Variants in CAMKMT observed in about 807,000 individuals in gnomAD.
CAMKMT encodes the protein calmodulin-lysine N-methyltransferase, also known as CaM KMT.
A neutral mutation model predicts 48.0 loss-of-function variants in CAMKMT; 53 were observed. The ratio of observed to expected loss-of-function variants is 1.10; its 90% CI spans 0.89 to 1.39. The LOEUF is 1.39. Among genes scored for constraint, CAMKMT ranks in the 40% most tolerant of loss-of-function variants. The pLI is 0.00. For missense variants in CAMKMT, 428 were observed against 402.7 expected (o/e 1.06, Z -0.54); for synonymous variants, 165 against 152.3 (o/e 1.08, Z -0.61).
At chr2:44,571,554 C>G (rs897805353) in intron 3 of CAMKMT, among the ~76,000 whole-genome samples, 1 of 152,130 alleles carries the variant, frequency 6.6e-6, no homozygotes, top group Non-Finnish European at 1.5e-5. Context: ...ATTTCTCAGA[C>G]TTAATAACAA....
chr2:44,585,751 G>T lies in CAMKMT; in HGVS notation c.377-118532G>T, dbSNP rs143514238. ...GTGATCCTACGCTTTACCAAAGATA[G>T]ATGGAAGATGGGAACAGCTAGGCCA... On this transcript the variant is annotated intron_variant, in intron 3 of 10. Transcript: ENST00000378494. 5.7e-3 allele frequency among the ~76,000 whole-genome samples: 873 copies of T among 152,336 alleles called. 4 individuals carry two copies. Among genetic ancestry groups the T allele is most frequent in the Non-Finnish European group, 0.01 (692 of 68,036 alleles).
At chr2:44,378,004 A>G (rs1679867660) in intron 2 of CAMKMT, among the ~76,000 whole-genome samples, 1 of 152,242 alleles carries the variant, frequency 6.6e-6, no homozygotes, top group African/African-American at 2.4e-5. Context: ...GTACGTATAT[A>G]GAGCTTGGCG....
chr2:44,527,423 T>C (rs1439818495), intron 3 of CAMKMT, among the ~76,000 whole-genome samples: 2 of 66,080 alleles, frequency 3.0e-5, no homozygotes, highest in Non-Finnish European at 5.7e-5. Context: ...ATTATATATA[T>C]ATATATATTT....
chr2:44,666,859 C>T (rs576937881), intron 3 of CAMKMT, among the ~76,000 whole-genome samples: 32 of 152,286 alleles, frequency 2.1e-4, no homozygotes, highest in Admixed American at 1.0e-3. Flanking sequence ...CTGCCCGCCT[C>T]GGCCTCCCAA....
chr2:44,471,686 G>T (rs543148622), intron 3 of CAMKMT, among the ~76,000 whole-genome samples: 32 of 152,278 alleles, frequency 2.1e-4, no homozygotes, highest in African/African-American at 7.5e-4. Flanking sequence ...CTAGCTATGT[G>T]AGTTGAGTCA....
intron 7 of CAMKMT, among the ~76,000 whole-genome samples, chr2:44,724,603 G>A (rs574552899): frequency 1.3e-4 from 20 of 152,292 alleles, no homozygotes; most frequent in African/African-American, 4.3e-4. Context: ...AAGCGTGAGA[G>A]TGAATCCATG....
Position 44,390,287 on chromosome 2 carries a change from G to T in CAMKMT, c.358G>T (p.Asp120Tyr). The change falls in exon 3 of 11, where the codon GAC becomes TAC. Residue 120 changes from aspartate (D) to tyrosine (Y), a missense_variant. Transcript: ENST00000378494. ...TGTTGAAGATGTCCTTACCAGCTTT[G>T]ACAATACAGGAAATGTTTGTAAGTT... ...LNVEDVLTSF[D>Y]NTGNVCIWPS... 6.2e-7 allele frequency: 1 copy of T among 1,607,352 alleles called. No individual in the cohort carries two copies.
intron 3 of CAMKMT, among the ~76,000 whole-genome samples, chr2:44,430,814 G>T (rs912991432): frequency 6.6e-6 from 1 of 152,106 alleles, no homozygotes; most frequent in Non-Finnish European, 1.5e-5. Flanking sequence ...GGTGGCAAAT[G>T]TAGCATATCC....
At chr2:44,656,534 T>C (rs913853337) in intron 3 of CAMKMT, among the ~76,000 whole-genome samples, 2 of 152,174 alleles carry the variant, frequency 1.3e-5, no homozygotes, top group Non-Finnish European at 2.9e-5. Flanking sequence ...CATGGCTACA[T>C]GACTGTAATG....
intron 3 of CAMKMT, among the ~76,000 whole-genome samples, chr2:44,675,373 G>C (rs1331590401): frequency 6.6e-6 from 1 of 152,122 alleles, no homozygotes; most frequent in Admixed American, 6.6e-5. Context: ...TGGTTGACCT[G>C]CCCCTTTGGT....
intron 3 of CAMKMT, among the ~76,000 whole-genome samples, chr2:44,392,575 A>G (rs1681452160): frequency 6.6e-6 from 1 of 152,050 alleles, no homozygotes; most frequent in Non-Finnish European, 1.5e-5. Context: ...ATTCTTTGTC[A>G]TAGCCCAATA....
chr2:44,556,976 A>G (rs150455329), intron 3 of CAMKMT, among the ~76,000 whole-genome samples: 1,976 of 152,206 alleles, frequency 0.013, 21 homozygotes, highest in Non-Finnish European at 0.017. Context: ...GAGAAAATGC[A>G]CAGGAACTAC....
intron 3 of CAMKMT, among the ~76,000 whole-genome samples, chr2:44,567,012 T>C (rs1346065943): frequency 6.6e-6 from 1 of 152,064 alleles, no homozygotes; most frequent in East Asian, 1.9e-4. Flanking sequence ...ATTCAGAAGC[T>C]TGGGGGAAAA....
At chr2:44,429,277 ATGTGTGTGTGTGTGTG>A (rs34628835) in intron 3 of CAMKMT, among the ~76,000 whole-genome samples, 102 of 147,144 alleles carry the variant, frequency 6.9e-4, no homozygotes, top group Non-Finnish European at 1.3e-3. Flanking sequence ...GTGTGTGTGT[ATGTGTGTGTGTGTGTG>A]TGTGTGTGTG....
At chr2:44,482,940 T>A (rs930646781) in intron 3 of CAMKMT, among the ~76,000 whole-genome samples, 1 of 152,138 alleles carries the variant, frequency 6.6e-6, no homozygotes, top group African/African-American at 2.4e-5. Flanking sequence ...TACAATCAGG[T>A]TCTGCTTAAA....
At chr2:44,642,538 G>A (rs2104005322) in intron 3 of CAMKMT, among the ~76,000 whole-genome samples, 1 of 152,282 alleles carries the variant, frequency 6.6e-6, no homozygotes, top group Middle Eastern at 3.4e-3. Flanking sequence ...AAAGAAGACT[G>A]GTTGTCAGGA....
intron 3 of CAMKMT, among the ~76,000 whole-genome samples, chr2:44,682,588 C>T (rs908741702): frequency 6.6e-6 from 1 of 152,104 alleles, no homozygotes; most frequent in Non-Finnish European, 1.5e-5. Flanking sequence ...TATTAACTGC[C>T]CATCATGCAG....
intron 6 of CAMKMT, among the ~76,000 whole-genome samples, chr2:44,708,151 C>T (rs1472897498): frequency 6.9e-6 from 1 of 144,824 alleles, no homozygotes; most frequent in Non-Finnish European, 1.5e-5. Flanking sequence ...CTGATTTGTT[C>T]AGGGGCAGTT....
intron 3 of CAMKMT, among the ~76,000 whole-genome samples, chr2:44,581,784 AAGTC>A (rs762153557): frequency 2.0e-5 from 3 of 152,066 alleles, no homozygotes; most frequent in Non-Finnish European, 4.4e-5. Flanking sequence ...GTGGATCACA[AAGTC>A]AGGAGTTCGA....
Sources: gnomAD v4.1 joint callset for allele counts (sites outside exome capture counted in the v4.1 genomes callset) on GRCh38, gnomAD v4.1.1 for gene constraint, MANE v1.5 for transcripts, NCBI Gene and HGNC (gene_info 2026-07-23, HGNC 2026-07-21) for gene names.